The following TECR variants were observed in gnomAD, a reference collection of about 807,000 sequenced individuals.
The protein encoded by TECR is very-long-chain enoyl-CoA reductase.
TECR carries 19 observed loss-of-function variants against 50.6 expected under a neutral mutation model. The observed-to-expected ratio is 0.38, with a 90% CI of 0.26 to 0.55. The LOEUF (loss-of-function observed/expected upper bound fraction) is 0.55, where lower values mean the gene tolerates loss of function less well. TECR is among the 20% of genes least tolerant of loss of function. The pLI is 0.79. For synonymous variants in TECR, 168 were observed against 163.5 expected, an observed-to-expected ratio of 1.03 and a Z score of -0.21; for missense variants, 313 against 408.3, an observed-to-expected ratio of 0.77 and a Z score of 2.01.
At chr19:14,529,819 C>T in intron 1 of TECR, 108 bp downstream of exon 1, 6 of 1,527,896 alleles carry the variant, frequency 3.9e-6, no homozygotes, top group Admixed American at 1.8e-5. Context: ...GAAGGAAGAG[C>T]CAGACGGCGC....
rs987976372 is a variant in TECR at position 14,541,000 on chromosome 19, A to C, written c.15+11289A>C. Among the ~76,000 whole-genome samples the C allele has an allele frequency of 3.2e-4, 48 of 151,752 alleles. 1 individual carries two copies. Among genetic ancestry groups the C allele is most frequent in the African/African-American group, 1.1e-3 (46 of 41,232 alleles). On this transcript the variant is annotated intron_variant, in intron 1 of 12. Transcript: ENST00000215567. ...CAGGCCACACGCTGCTAATTTTGGT[A>C]TTTTTAGTAGAGACAGGGTTTCACC...
chr19:14,539,146 TTTTTTTTTTTTTTTTTTTTTTG>T (rs1283800343), intron 1 of TECR, among the ~76,000 whole-genome samples: 17 of 135,246 alleles, frequency 1.3e-4, no homozygotes, highest in African/African-American at 4.6e-4. Flanking sequence ...GCTAATTTTT[TTTTTTTTTTTTTTTTTTTTTTG>T]TATTTTTAGT....
intron 1 of TECR, among the ~76,000 whole-genome samples, chr19:14,556,844 G>A (rs982315991): frequency 1.5e-4 from 23 of 152,176 alleles, no homozygotes; most frequent in African/African-American, 4.6e-4. Flanking sequence ...AGTGGGGAGC[G>A]TCGCAGCCTC....
intron 1 of TECR, among the ~76,000 whole-genome samples, chr19:14,546,614 A>C (rs991101946): frequency 9.9e-5 from 15 of 152,144 alleles, no homozygotes; most frequent in Non-Finnish European, 2.1e-4. Flanking sequence ...TGCATGCACT[A>C]CCGTGTCTAG....
At chr19:14,528,344 A>G (rs1361484370), upstream of TECR, among the ~76,000 whole-genome samples, 1 of 151,342 alleles carries the variant, frequency 6.6e-6, no homozygotes, top group Non-Finnish European at 1.5e-5. Flanking sequence ...GGTTCAAGCA[A>G]TTCTTCTGCC....
At position 14,563,577 on chromosome 19, in the gene TECR, A is replaced by T; in HGVS notation, c.119-81A>T. 3 of 1,592,600 alleles carry T rather than the reference A, an allele frequency of 1.9e-6. No individual in the cohort carries two copies. Among genetic ancestry groups the T allele is most frequent in the Non-Finnish European group, 2.6e-6 (3 of 1,165,794 alleles). On this transcript the variant is annotated intron_variant, in intron 3 of 12. Coordinates refer to ENST00000215567, the MANE Select transcript of TECR (RefSeq NM_138501.6). The surrounding 1 kb of genome is among the most constrained non-coding windows in gnomAD (Gnocchi z 5.3). ...GGGTCCTTGCACCCTGGGAACCCTGAGAAGCTGGCACAGTGGCTGGGCAGC... is the reference window on the plus strand; with the variant it reads ...GGGTCCTTGCACCCTGGGAACCCTGTGAAGCTGGCACAGTGGCTGGGCAGC...
Position 14,563,517 on chromosome 19 carries a change from G to T in TECR, c.119-141G>T. 1 of 1,125,734 alleles carries T rather than the reference G, an allele frequency of 8.9e-7. No individual in the cohort carries two copies. The highest frequency in any genetic ancestry group is 1.3e-6 in the Non-Finnish European group (1 of 764,298). The allele number at this position is 1,125,734 out of a possible 1,614,324, so 69.7% of individuals were successfully genotyped here. A position where few individuals can be genotyped will look rare whatever the true frequency, so the allele number is the denominator to read the frequency against. ...GTCCTGAAACCGCACAAGCCTGAGG[G>T]TTTGCCCCCAGGTGGGAGGAGCTGT... On this transcript the variant is annotated intron_variant, in intron 3 of 12. Coordinates refer to ENST00000215567, the MANE Select transcript of TECR (RefSeq NM_138501.6). The surrounding 1 kb of genome is among the most constrained non-coding windows in gnomAD (Gnocchi z 5.3).
chr19:14,546,271 AT>A (rs35585506), intron 1 of TECR, among the ~76,000 whole-genome samples: 22 of 148,886 alleles, frequency 1.5e-4, no homozygotes, highest in East Asian at 2.0e-4. Flanking sequence ...TAGATTTGGG[AT>A]TTTTTTTTTT....
chr19:14,564,038 A>G lies in TECR; in HGVS notation c.324A>G (p.Arg108=), dbSNP rs771679416. ...TCATCTACCTGCTCTTCTACTTCCG[A>G]GTGCCCTTCATCTATGGCCACAAAT... is the stretch of plus-strand genomic sequence containing the variant. The part of the protein sequence containing the change: ...PLFIYLLFYF[R]VPFIYGHKYD... The change falls in exon 6 of 13, where the codon CGA becomes CGG. Residue 108 remains arginine (R), a synonymous_variant. Coordinates refer to ENST00000215567, the MANE Select transcript of TECR (RefSeq NM_138501.6). 5.0e-6 allele frequency: 8 copies of G among 1,613,858 alleles called. No individual in the cohort carries two copies. In the Admixed American group the frequency reaches 1.3e-4, roughly 27 times the overall value.
chr19:14,528,401 G>A (rs958114444), upstream of TECR, among the ~76,000 whole-genome samples: 6 of 151,476 alleles, frequency 4.0e-5, no homozygotes, highest in Non-Finnish European at 5.9e-5. Context: ...CACCACGCCC[G>A]GCTAATTTTT....
At position 14,563,872 on chromosome 19, in the gene TECR, G is replaced by C; in HGVS notation, c.236G>C (p.Arg79Pro). 2 of 1,614,030 alleles carry C rather than the reference G, an allele frequency of 1.2e-6. No individual in the cohort carries two copies. The stretch of plus-strand genomic sequence containing the variant: ...GGCACCACGGCCACACTGTACTTCC[G>C]GGACCTGGGGGCCCAGATCAGCTGG... ...PVGTTATLYF[R>P]DLGAQISWVT... The change falls in exon 5 of 13, where the codon CGG (arginine) becomes CCG (proline). Residue 79 changes from arginine to proline, a missense_variant. Coordinates refer to ENST00000215567, the MANE Select transcript of TECR (RefSeq NM_138501.6). This position sits in a 1 kb window ranked among gnomAD's most constrained non-coding sequence, Gnocchi z 5.3.
At chr19:14,540,655 G>A (rs936359099) in intron 1 of TECR, among the ~76,000 whole-genome samples, 1 of 151,972 alleles carries the variant, frequency 6.6e-6, no homozygotes, top group African/African-American at 2.4e-5. Context: ...GCCTCCCAAA[G>A]TGCTGGGATT....
chr19:14,544,838 G>A (rs1393609077), intron 1 of TECR, among the ~76,000 whole-genome samples: 2 of 152,010 alleles, frequency 1.3e-5, no homozygotes, highest in Non-Finnish European at 2.9e-5. Flanking sequence ...TTGCTGTGTT[G>A]CCTAAGCTGG....
At chr19:14,555,046 G>A (rs2073669885) in intron 1 of TECR, among the ~76,000 whole-genome samples, 1 of 151,720 alleles carries the variant, frequency 6.6e-6, no homozygotes, top group Non-Finnish European at 1.5e-5. Flanking sequence ...CAGAGTGCTG[G>A]GATTACAGGC....
At chr19:14,558,473 G>A (rs956157660) in intron 1 of TECR, among the ~76,000 whole-genome samples, 4 of 152,164 alleles carry the variant, frequency 2.6e-5, no homozygotes, top group East Asian at 1.9e-4. Flanking sequence ...CCCTGACCTC[G>A]TGCTGCGACG....
chr19:14,556,177 G>T (rs1475781802), intron 1 of TECR, among the ~76,000 whole-genome samples: 1 of 152,048 alleles, frequency 6.6e-6, no homozygotes, highest in East Asian at 1.9e-4. Context: ...GGCCACACAG[G>T]ACTCCTTCCT....
At chr19:14,540,087 T>C (rs1036292210) in intron 1 of TECR, among the ~76,000 whole-genome samples, 9 of 146,272 alleles carry the variant, frequency 6.2e-5, no homozygotes, top group Non-Finnish European at 1.3e-4. Context: ...TGAGACGGAG[T>C]CTCGCTCTGT....
chr19:14,539,517 G>A (rs1024999952), intron 1 of TECR, among the ~76,000 whole-genome samples: 5 of 151,934 alleles, frequency 3.3e-5, no homozygotes, highest in Non-Finnish European at 7.4e-5. Context: ...GTTCCCCACC[G>A]AGCCACAGGC....
rs2073966160 is a variant in TECR, at chr19:14,563,480, C to T, written c.119-178C>T. The T allele has an allele frequency of 3.3e-6, 3 of 900,670 alleles. No homozygotes were observed. The highest frequency in any genetic ancestry group is 2.9e-5 in the South Asian group (2 of 68,432). 55.8% of individuals were successfully genotyped at this position (900,670 alleles called of 1,614,324 possible). On this transcript the variant is annotated intron_variant, in intron 3 of 12. Transcript: ENST00000215567. The surrounding 1 kb of genome is among the most constrained non-coding windows in gnomAD (Gnocchi z 5.3). Reference sequence around the variant, plus strand: ...ACAAGATCCTGCTTCTGCCCGCGCTCTTCTGGCTTGTGTCCTGAAACCGCA... The same window carrying T: ...ACAAGATCCTGCTTCTGCCCGCGCTTTTCTGGCTTGTGTCCTGAAACCGCA...
Sources: allele counts gnomAD v4.1 joint callset (sites outside exome capture counted in the v4.1 genomes callset), GRCh38; gene constraint gnomAD v4.1.1; non-coding constraint Gnocchi (gnomAD v3.1); transcripts MANE v1.5; gene names NCBI Gene and HGNC (gene_info 2026-07-23, HGNC 2026-07-21).